Variants in VPS13B observed in about 807,000 individuals in gnomAD.
VPS13B encodes the protein vacuolar protein sorting 13 homolog B, also known as intermembrane lipid transfer protein VPS13B.
Under a neutral mutation model 426.4 loss-of-function variants are expected in VPS13B, and 285 were observed. The observed-to-expected ratio is 0.67, with a 90% CI of 0.61 to 0.74. The LOEUF (loss-of-function observed/expected upper bound fraction) is 0.74. Among genes scored for constraint, VPS13B ranks in the 30% least tolerant of loss-of-function variants. The pLI is 0.00. For synonymous variants in VPS13B, 1,676 were observed against 1,676.4 expected, an observed-to-expected ratio of 1.00 and a Z score of 0.01; for missense variants, 4,537 against 4,782.6, an observed-to-expected ratio of 0.95 and a Z score of 1.51.
chr8:99,115,560 ATT>A lies in VPS13B; in HGVS notation c.763-139_763-138del, dbSNP rs1448704622. 3.6e-6 allele frequency: 3 copies of A among 836,472 alleles called. No individual in the cohort carries two copies. In the African/African-American group the frequency reaches 5.2e-5, roughly 14 times the overall value. 51.8% of individuals were successfully genotyped at this position (836,472 alleles called of 1,614,324 possible). Reference sequence around the variant, plus strand: ...TAATTCCTAAGATCTTAGAGTAAGTATTGTTTTGATTTAAGTATTAAAATGTT... The same window carrying A: ...TAATTCCTAAGATCTTAGAGTAAGTAGTTTTGATTTAAGTATTAAAATGTT... On this transcript the variant is annotated intron_variant, in intron 6 of 61. Transcript: ENST00000357162.
intron 15 of VPS13B, among the ~76,000 whole-genome samples, chr8:99,168,830 A>G (rs768379040): frequency 6.6e-6 from 1 of 152,072 alleles, no homozygotes; most frequent in Non-Finnish European, 1.5e-5. Context: ...TAGTAATTAC[A>G]TAAGTAGGTT....
chr8:99,082,877 C>G (rs143664915), intron 3 of VPS13B, among the ~76,000 whole-genome samples: 30 of 152,170 alleles, frequency 2.0e-4, no homozygotes, highest in African/African-American at 3.6e-4. Flanking sequence ...TTGTAGTATA[C>G]TTTGAAGTCA....
Position 99,520,879 on chromosome 8 carries a change from A to T in VPS13B, c.4634-20A>T. The T allele has an allele frequency of 6.2e-7, 1 of 1,604,562 alleles. No homozygotes were observed. The highest frequency in any genetic ancestry group is 8.5e-7 in the Non-Finnish European group (1 of 1,171,564). On this transcript the variant is annotated intron_variant, in intron 29 of 61. Coordinates refer to ENST00000357162, the MANE Select transcript of VPS13B (RefSeq NM_152564.5). ...GTACAGATCCACAGTGTATTCATGA[A>T]TCTCCTTCTTTTGTTACAGCTAATC...
chr8:99,450,157 A>G (rs1049347942), intron 23 of VPS13B, among the ~76,000 whole-genome samples: 8 of 152,200 alleles, frequency 5.3e-5, no homozygotes, highest in African/African-American at 1.9e-4. Context: ...AAAGGAAATG[A>G]AGAACTAATT....
rs60078732 is a variant in VPS13B at position 99,876,364 on chromosome 8, C to CTGA, written c.*703_*705dup. On this transcript the variant is annotated 3_prime_UTR_variant, in exon 62 of 62. Coordinates refer to ENST00000357162, the MANE Select transcript of VPS13B (RefSeq NM_152564.5). ...GCATTTTACTAAAATTTACAACAGTCTGATGATTGATTGATTACTGTCCAG... is the reference window on the plus strand; with the variant it reads ...GCATTTTACTAAAATTTACAACAGTCTGATGATGATTGATTGATTACTGTCCAG... The CTGA allele has an allele frequency of 3.9e-5, 6 of 152,228 alleles. No homozygotes were observed. Among genetic ancestry groups the CTGA allele is most frequent in the Admixed American group, 6.5e-5 (1 of 15,346 alleles). 9.4% of individuals were successfully genotyped at this position (152,228 alleles called of 1,614,324 possible).
chr8:99,275,073 C>A lies in VPS13B; in HGVS notation c.2651-8C>A, dbSNP rs201628860. Reference sequence around the variant, plus strand: ...TTTTATTATTGTTTTATAAATATTTCTTTTCAGTTGATAGTGGAAAAGAGA... The same window carrying A: ...TTTTATTATTGTTTTATAAATATTTATTTTCAGTTGATAGTGGAAAAGAGA... On this transcript the variant is annotated splice_region_variant and splice_polypyrimidine_tract_variant and intron_variant, in intron 18 of 61. Transcript: ENST00000357162. The A allele has an allele frequency of 2.3e-5, 37 of 1,591,476 alleles. No individual in the cohort carries two copies. The highest frequency in any genetic ancestry group is 6.8e-5 in the African/African-American group (5 of 73,252).
At chr8:99,411,212 C>G (rs1036039752) in intron 21 of VPS13B, among the ~76,000 whole-genome samples, 2 of 152,184 alleles carry the variant, frequency 1.3e-5, no homozygotes, top group African/African-American at 2.4e-5. Context: ...TCTGCATCCT[C>G]TCCAGCATCT....
chr8:99,258,983 C>A (rs1263138375), intron 17 of VPS13B, among the ~76,000 whole-genome samples: 1 of 151,706 alleles, frequency 6.6e-6, no homozygotes, highest in East Asian at 1.9e-4. Context: ...CTTTTCTAAT[C>A]CCAGCTTGTA....
chr8:99,191,711 C>T (rs144473472), intron 16 of VPS13B, among the ~76,000 whole-genome samples: 14 of 152,042 alleles, frequency 9.2e-5, no homozygotes, highest in African/African-American at 2.2e-4. Flanking sequence ...TCCTGGTCCT[C>T]GATTTCCTGG....
chr8:99,299,674 G>T (rs1047496337), intron 19 of VPS13B, among the ~76,000 whole-genome samples: 1 of 151,894 alleles, frequency 6.6e-6, no homozygotes, highest in Non-Finnish European at 1.5e-5. Flanking sequence ...CACTTTGGGA[G>T]TCTGAGGCGG....
chr8:99,044,853 T>TACACACACACACAC (rs60056711), intron 3 of VPS13B, among the ~76,000 whole-genome samples: 92 of 139,880 alleles, frequency 6.6e-4, no homozygotes, highest in African/African-American at 2.3e-3. Context: ...TTCCATTTTA[T>TACACACACACACAC]ACACACACAC....
At chr8:99,428,758 T>C (rs1816894692) in intron 21 of VPS13B, among the ~76,000 whole-genome samples, 1 of 152,184 alleles carries the variant, frequency 6.6e-6, no homozygotes, top group Non-Finnish European at 1.5e-5. Context: ...AAATACCATT[T>C]GACCCAGCCA....
At chr8:99,208,139 C>G (rs371276822) in intron 17 of VPS13B, among the ~76,000 whole-genome samples, 2 of 152,136 alleles carry the variant, frequency 1.3e-5, no homozygotes, top group Non-Finnish European at 2.9e-5. Context: ...CGTGTCACAT[C>G]GCCAGAGTTG....
In VPS13B at chr8:99,403,824, A is replaced by G. The variant is rs151098061; in HGVS notation, c.3082+12120A>G. On this transcript the variant is annotated intron_variant, in intron 21 of 61. Transcript: ENST00000357162. ...TTTTTATTTTACAATTAGTCACAGC[A>G]GGTTTAAAACACATTACTGTTTTGA... Among the ~76,000 whole-genome samples, 744 of 152,344 alleles carry G rather than the reference A, an allele frequency of 4.9e-3. 2 individuals are homozygous for G. The highest frequency in any genetic ancestry group is 7.8e-3 in the Non-Finnish European group (533 of 68,028).
At chr8:99,697,220 G>A in intron 35 of VPS13B, 2 of 571,124 alleles carry the variant, frequency 3.5e-6, no homozygotes, top group Non-Finnish European at 3.2e-6. Flanking sequence ...ACAAGGTAAA[G>A]CTGGAGGTCA....
chr8:99,522,858 A>G (rs984031489), intron 30 of VPS13B, among the ~76,000 whole-genome samples: 1 of 152,210 alleles, frequency 6.6e-6, no homozygotes. Context: ...GAAATGCTGT[A>G]TCATCGATAT....
At chr8:99,833,252 T>TAATG (rs1563498359) in intron 52 of VPS13B, among the ~76,000 whole-genome samples, 1 of 152,196 alleles carries the variant, frequency 6.6e-6, no homozygotes, top group African/African-American at 2.4e-5. Flanking sequence ...CAGAGACATA[T>TAATG]AATGGTTTGT....
Position 99,431,791 on chromosome 8 carries a change from T to C in VPS13B, c.3210+127T>C, listed in dbSNP as rs909181976. Reference sequence around the variant, plus strand: ...TGTATACCATCTCATTTTCTTAATTTAGTTGAAAATAATTGGTGTACTTCA... The same window carrying C: ...TGTATACCATCTCATTTTCTTAATTCAGTTGAAAATAATTGGTGTACTTCA... On this transcript the variant is annotated intron_variant, in intron 22 of 61. Coordinates refer to ENST00000357162, the MANE Select transcript of VPS13B (RefSeq NM_152564.5). The C allele has an allele frequency of 1.8e-5, 18 of 1,010,480 alleles. No homozygotes were observed. In the Admixed American group the frequency reaches 4.2e-4, roughly 23 times the overall value. The allele number at this position is 1,010,480 out of a possible 1,614,324, so 62.6% of individuals were successfully genotyped here.
chr8:99,163,662 C>G (rs983168043), intron 15 of VPS13B, among the ~76,000 whole-genome samples: 1 of 152,218 alleles, frequency 6.6e-6, no homozygotes, highest in Non-Finnish European at 1.5e-5. Context: ...CCTCATTGCC[C>G]GGGGCCAGCA....
Sources: allele counts gnomAD v4.1 joint callset (sites outside exome capture counted in the v4.1 genomes callset), GRCh38; gene constraint gnomAD v4.1.1; transcripts MANE v1.5; gene names NCBI Gene and HGNC (gene_info 2026-07-23, HGNC 2026-07-21).